The following CCDC88A variants were observed in gnomAD, a reference collection of about 807,000 sequenced individuals.
CCDC88A encodes coiled-coil and HOOK domain protein 88A.
Under a neutral mutation model 234.3 loss-of-function variants are expected in CCDC88A, and 54 were observed. The ratio of observed to expected loss-of-function variants is 0.23; its 90% CI spans 0.19 to 0.29. The LOEUF (loss-of-function observed/expected upper bound fraction) is 0.29, where lower values mean the gene tolerates loss of function less well. Ranked by LOEUF, CCDC88A falls within the 10% of genes least tolerant of loss-of-function variation. The probability of loss-of-function intolerance (pLI) is 1.00; values close to 1 mark genes in which losing one functional copy is unlikely to be tolerated. For synonymous variants in CCDC88A, 753 were observed against 737.8 expected (o/e 1.02, Z -0.33); for missense variants, 1,832 against 2,123.4 (o/e 0.86, Z 2.70).
chr2:55,355,731 T>C lies in CCDC88A; in HGVS notation c.648A>G (p.Glu216=), dbSNP rs770301690. ...EHSETIIELS[E]ERDGLHFLPH... ...GTAGAAAATGGAGACCATCCCGCTC[T>C]TCAGAGAGTTCTATGATAGTCTAGA... Residue 216 remains glutamate (E), a synonymous_variant, in exon 8 of 33, where the codon GAA becomes GAG. Coordinates refer to ENST00000436346, the MANE Select transcript of CCDC88A (RefSeq NM_001365480.1). The C allele has an allele frequency of 6.2e-7, 1 of 1,613,560 alleles. No individual in the cohort carries two copies. The highest frequency in any genetic ancestry group is 1.1e-5 in the South Asian group (1 of 91,058).
At chr2:55,402,236 C>G (rs10172058) in intron 2 of CCDC88A, among the ~76,000 whole-genome samples, 48,358 of 151,904 alleles carry the variant, frequency 0.32, 8,044 homozygotes, top group East Asian at 0.54. Flanking sequence ...ATTTTTATAA[C>G]TTTTCAAAAC....
intron 2 of CCDC88A, among the ~76,000 whole-genome samples, chr2:55,391,704 TA>T (rs1676684212): frequency 6.6e-6 from 1 of 152,044 alleles, no homozygotes; most frequent in Admixed American, 6.5e-5. Context: ...GACATTACAA[TA>T]AAAACAGTCC....
In CCDC88A at chr2:55,416,388, TA is replaced by T. The variant is rs1306067396; in HGVS notation, c.164+2427del. Among the ~76,000 whole-genome samples the T allele has an allele frequency of 4.5e-5, 6 of 133,380 alleles. No homozygotes were observed. The East Asian group carries it at 1.3e-3, about 30-fold the overall frequency. 87.5% of individuals were successfully genotyped at this position (133,380 alleles called of 152,430 possible). Reference sequence around the variant, plus strand: ...TTTAAGACAACATCAAAGCTACTAATATATATGTAACTGGACTTCCAAAAGG... The same window carrying T: ...TTTAAGACAACATCAAAGCTACTAATTATATGTAACTGGACTTCCAAAAGG... On this transcript the variant is annotated intron_variant, in intron 2 of 32. Transcript: ENST00000436346.
At chr2:55,294,735 G>C (rs1414317419) in intron 31 of CCDC88A, 4 of 991,562 alleles carry the variant, frequency 4.0e-6, no homozygotes, top group Non-Finnish European at 4.8e-6. Context: ...CTTGGTAAGA[G>C]AGCATGCAAC....
At chr2:55,292,011 C>CAT in intron 31 of CCDC88A, 2 of 268,014 alleles carry the variant, frequency 7.5e-6, no homozygotes, top group Non-Finnish European at 1.3e-5. Flanking sequence ...AATTACATTT[C>CAT]CCCCCCTCTT....
chr2:55,373,275 A>G (rs1307260339), intron 4 of CCDC88A, among the ~76,000 whole-genome samples: 5 of 152,136 alleles, frequency 3.3e-5, no homozygotes, highest in African/African-American at 1.2e-4. Flanking sequence ...CTGAGCCATT[A>G]ATCACCATTC....
chr2:55,336,228 T>A (rs6734415), intron 14 of CCDC88A, among the ~76,000 whole-genome samples: 1 of 151,980 alleles, frequency 6.6e-6, no homozygotes, highest in African/African-American at 2.4e-5. Context: ...AGTCAATTAA[T>A]CTATGCAGTT....
rs1671441181 is a variant in CCDC88A, at chr2:55,362,397, C to G, written c.538G>C (p.Asp180His). The G allele has an allele frequency of 2.5e-6, 4 of 1,607,280 alleles. No homozygotes were observed. The change falls in exon 7 of 33, where the codon GAT (aspartate) becomes CAT (histidine). Residue 180 changes from aspartate (D) to histidine (H), a missense_variant. Physicochemically the swap from Asp to His is moderately conservative, Grantham distance 81. Transcript: ENST00000436346. ...GGTTCTATGTCCTCCTGCGACATAT[C>G]AGTCACTTCCATCCATTGCAGGTCA... ...VFDLQWMEVT[D>H]MSQEDIEPLL...
At position 55,291,730 on chromosome 2, in the gene CCDC88A, C is replaced by T. The variant is rs775755173; in HGVS notation, c.5597G>A (p.Arg1866Lys). ...QESRNSKSRS[R>K]EQQSS The stretch of plus-strand genomic sequence containing the variant: ...ATAGAATTAGGAGCTTTGTTGCTCC[C>T]TAGACCTGCTTTTTGAATTTCTGCT... The change falls in exon 32 of 33, where the codon AGG becomes AAG. Residue 1866 changes from arginine to lysine, a missense_variant. Around this residue, in one of 6 missense-constraint regions of CCDC88A, gnomAD observed 422 missense variants for 416.5 expected, o/e 1.01. Coordinates refer to ENST00000436346, the MANE Select transcript of CCDC88A (RefSeq NM_001365480.1). 2 of 1,612,194 alleles carry T rather than the reference C, an allele frequency of 1.2e-6. No homozygotes were observed. The highest frequency in any genetic ancestry group is 1.7e-6 in the Non-Finnish European group (2 of 1,178,686).
chr2:55,399,986 T>C (rs1225495709), intron 2 of CCDC88A, among the ~76,000 whole-genome samples: 2 of 152,162 alleles, frequency 1.3e-5, no homozygotes, highest in Non-Finnish European at 2.9e-5. Flanking sequence ...AAAATCACAA[T>C]ACAGTAATTT....
chr2:55,419,522 C>CTTTTT lies in CCDC88A; in HGVS notation c.-444_-443insAAAAA. The stretch of plus-strand genomic sequence containing the variant: ...GACCACGTTAAGGATACCGAGGCGC[C>CTTTTT]ACCAGACTCGACCTCGGCGTTCCGA... On this transcript the variant is annotated 5_prime_UTR_variant, in exon 1 of 33. Coordinates refer to ENST00000436346, the MANE Select transcript of CCDC88A (RefSeq NM_001365480.1). 2 of 144,324 alleles carry CTTTTT rather than the reference C, an allele frequency of 1.4e-5. No individual in the cohort carries two copies. Among genetic ancestry groups the CTTTTT allele is most frequent in the Non-Finnish European group, 1.5e-5 (1 of 65,248 alleles). 8.9% of individuals were successfully genotyped at this position (144,324 alleles called of 1,614,324 possible).
chr2:55,327,353 G>A (rs1402770252), intron 17 of CCDC88A, among the ~76,000 whole-genome samples: 1 of 152,146 alleles, frequency 6.6e-6, no homozygotes, highest in Non-Finnish European at 1.5e-5. Flanking sequence ...TAATTGATTG[G>A]TATGTGCACT....
intron 2 of CCDC88A, among the ~76,000 whole-genome samples, chr2:55,410,988 T>C (rs909423792): frequency 4.6e-5 from 7 of 152,176 alleles, no homozygotes; most frequent in African/African-American, 1.7e-4. Context: ...AATTTTCCAG[T>C]TTCAATAACT....
chr2:55,336,639 A>C (rs1685492257), intron 14 of CCDC88A, 42 bp downstream of exon 14: 1 of 1,284,452 alleles, frequency 7.8e-7, no homozygotes. Context: ...TTTGCTAATA[A>C]ATTTTAAAAT....
intron 2 of CCDC88A, among the ~76,000 whole-genome samples, chr2:55,415,758 C>T (rs753896165): frequency 1.3e-5 from 2 of 152,102 alleles, no homozygotes; most frequent in African/African-American, 2.4e-5. Context: ...AGACTGAGAG[C>T]GAACACCACC....
chr2:55,419,537 C>G lies in CCDC88A; in HGVS notation c.-458G>C. On this transcript the variant is annotated 5_prime_UTR_variant, in exon 1 of 33. Coordinates refer to ENST00000436346, the MANE Select transcript of CCDC88A (RefSeq NM_001365480.1). ...ACCGAGGCGCCACCAGACTCGACCT[C>G]GGCGTTCCGACCTCTACACGTTCCA... 1 of 136,084 alleles carries G rather than the reference C, an allele frequency of 7.3e-6. No individual in the cohort carries two copies. Among genetic ancestry groups the G allele is most frequent in the Non-Finnish European group, 1.6e-5 (1 of 61,482 alleles). The allele number at this position is 136,084 out of a possible 1,614,324, so 8.4% of individuals were successfully genotyped here. A position where few individuals can be genotyped will look rare whatever the true frequency, so the allele number is the denominator to read the frequency against.
rs1447080799 is a variant in CCDC88A, at chr2:55,343,652, G to C, written c.1329C>G (p.Ser443=). ...AATTAAAAAAATTGGGAATACCTTC[G>C]GAAAGTTCACTAGTTCTGGATATCT... The part of the protein sequence containing the change: ...LEQISRTSEL[S]EAPQKSLGHE... Residue 443 remains serine (S), a synonymous_variant, in exon 12 of 33, where the codon TCC becomes TCG. Coordinates refer to ENST00000436346, the MANE Select transcript of CCDC88A (RefSeq NM_001365480.1). 4 of 1,594,678 alleles carry C rather than the reference G, an allele frequency of 2.5e-6. No individual in the cohort carries two copies. The highest frequency in any genetic ancestry group is 8.5e-7 in the Non-Finnish European group (1 of 1,173,348).
chr2:55,346,053 C>T, intron 10 of CCDC88A, 122 bp downstream of exon 10: 1 of 638,428 alleles, frequency 1.6e-6, no homozygotes, highest in Non-Finnish European at 2.6e-6. Context: ...ATAAACATAC[C>T]CAAATGTATT....
intron 6 of CCDC88A, 54 bp downstream of exon 6, chr2:55,363,896 T>A: frequency 1.0e-6 from 1 of 962,164 alleles, no homozygotes; most frequent in Non-Finnish European, 1.6e-6. Context: ...GATAGACAAA[T>A]AAACACACCA....
Sources: allele counts gnomAD v4.1 joint callset (sites outside exome capture counted in the v4.1 genomes callset), GRCh38; gene constraint gnomAD v4.1.1; regional missense constraint gnomAD v4.1.1; transcripts MANE v1.5; gene names NCBI Gene and HGNC (gene_info 2026-07-23, HGNC 2026-07-21).